Variants in TRAM1 observed in about 807,000 individuals in gnomAD.
The protein encoded by TRAM1 is translocation associated membrane protein 1.
A neutral mutation model predicts 48.7 loss-of-function variants in TRAM1; 17 were observed. The observed-to-expected ratio is 0.35, with a 90% CI of 0.24 to 0.52. The LOEUF (loss-of-function observed/expected upper bound fraction) is 0.52. Among genes scored for constraint, TRAM1 ranks in the 20% least tolerant of loss-of-function variants. The pLI is 0.94. For missense variants in TRAM1, 351 were observed against 441.5 expected (o/e 0.79, Z 1.84); for synonymous variants, 182 against 154.0 (o/e 1.18, Z -1.34).
intron 8 of TRAM1, among the ~76,000 whole-genome samples, chr8:70,583,998 A>T (rs1817145222): frequency 6.6e-6 from 1 of 152,128 alleles, no homozygotes; most frequent in African/African-American, 2.4e-5. Flanking sequence ...GGGCAACAAG[A>T]GCGAAACTCC....
chr8:70,576,103 A>G (rs4738097), intron 10 of TRAM1, among the ~76,000 whole-genome samples: 1 of 150,174 alleles, frequency 6.7e-6, no homozygotes. Context: ...AAACCACACA[A>G]AAAAAAACCC....
chr8:70,607,488 A>T, intron 1 of TRAM1: 1 of 985,480 alleles, frequency 1.0e-6, no homozygotes, highest in Non-Finnish European at 1.2e-6. Context: ...CCGCCCTTCA[A>T]GTCGAAAGCA....
rs1817443644 is a variant in TRAM1, at chr8:70,594,548, C to T, written c.528G>A (p.Trp176Ter). ...KFFYISQLAY[W>*]LHAFPELYFQ... ...AGTAGAGTTCAGGAAAAGCATGAAG[C>T]CAGTAAGCCAGCTGTGATATGTAGA... The change falls in exon 6 of 11, where the codon TGG becomes TGA. Residue 176 changes from tryptophan to a stop codon, truncating the protein, a stop_gained. Transcript: ENST00000262213. LOFTEE classifies it high-confidence loss of function. 1 of 1,600,834 alleles carries T rather than the reference C, an allele frequency of 6.2e-7. No individual in the cohort carries two copies. The highest frequency in any genetic ancestry group is 1.4e-5 in the African/African-American group (1 of 74,006).
chr8:70,594,249 A>G (rs1817430996), intron 6 of TRAM1, among the ~76,000 whole-genome samples: 1 of 151,910 alleles, frequency 6.6e-6, no homozygotes, highest in African/African-American at 2.4e-5. Context: ...CATAATTTTA[A>G]GACAAGCCAT....
intron 8 of TRAM1, among the ~76,000 whole-genome samples, chr8:70,585,879 T>G (rs1446238140): frequency 7.0e-6 from 1 of 143,228 alleles, no homozygotes; most frequent in Non-Finnish European, 1.5e-5. Context: ...TCCTCAGGGA[T>G]CTAGAACTAG....
intron 6 of TRAM1, among the ~76,000 whole-genome samples, chr8:70,592,258 A>G (rs996261825): frequency 6.6e-5 from 10 of 152,170 alleles, no homozygotes; most frequent in African/African-American, 2.4e-4. Flanking sequence ...AAACTAAGTT[A>G]TTTGTGACTA....
At chr8:70,597,856 A>C (rs752218142) in intron 4 of TRAM1, 39 bp downstream of exon 4, 1 of 1,424,584 alleles carries the variant, frequency 7.0e-7, no homozygotes, top group Non-Finnish European at 9.7e-7. Flanking sequence ...CTAATCTTAG[A>C]TAAGGAAGGA....
At chr8:70,598,437 T>A (rs1817537156) in intron 2 of TRAM1, among the ~76,000 whole-genome samples, 182 bp from the exon 3 acceptor site, 2 of 152,166 alleles carry the variant, frequency 1.3e-5, no homozygotes, top group Non-Finnish European at 2.9e-5. Flanking sequence ...ATCAAAACTA[T>A]CTAGAAATCT....
intron 5 of TRAM1, among the ~76,000 whole-genome samples, chr8:70,595,889 A>G (rs1467035811): frequency 2.0e-5 from 3 of 152,112 alleles, no homozygotes; most frequent in Non-Finnish European, 4.4e-5. Context: ...GAAGCTTATA[A>G]TAGGAGAAAG....
At chr8:70,607,748 A>T (rs1817780627) in intron 1 of TRAM1, 1 of 171,886 alleles carries the variant, frequency 5.8e-6, no homozygotes, top group Non-Finnish European at 1.2e-5. Context: ...GCCGGCTGCC[A>T]CGTAACCCTT....
Position 70,608,382 on chromosome 8 carries a change from A to AAG in TRAM1, c.-184_-183insCT, listed in dbSNP as rs1352943515. 1.1e-5 allele frequency: 7 copies of AAG among 631,848 alleles called. No individual in the cohort carries two copies. The highest frequency in any genetic ancestry group is 1.0e-4 in the African/African-American group (5 of 50,222). The allele number at this position is 631,848 out of a possible 1,614,324, so 39.1% of individuals were successfully genotyped here. ...GCCGGGCCGCCCGGGGGAAAAAAAAAAACACAACAGCTAGCCCGCAGCGGG... is the reference window on the plus strand; with the variant it reads ...GCCGGGCCGCCCGGGGGAAAAAAAAAAGAACACAACAGCTAGCCCGCAGCGGG... On this transcript the variant is annotated 5_prime_UTR_variant, in exon 1 of 11. Transcript: ENST00000262213.
intron 5 of TRAM1, 142 bp downstream of exon 5, chr8:70,596,121 G>T: frequency 1.9e-6 from 1 of 524,562 alleles, no homozygotes; most frequent in Non-Finnish European, 3.2e-6. Context: ...TTTTTCTTAC[G>T]GCAGTGGGAC....
At chr8:70,586,047 G>C (rs1203998038) in intron 8 of TRAM1, among the ~76,000 whole-genome samples, 1 of 150,916 alleles carries the variant, frequency 6.6e-6, no homozygotes, top group Non-Finnish European at 1.5e-5. Flanking sequence ...TGATAGACTG[G>C]ATTAAGAAAA....
chr8:70,603,123 T>C (rs907387118), intron 1 of TRAM1, among the ~76,000 whole-genome samples: 4 of 152,108 alleles, frequency 2.6e-5, no homozygotes, highest in African/African-American at 9.7e-5. Context: ...TAACAAGGAC[T>C]CATTAGAGCA....
At chr8:70,575,145 A>G in intron 10 of TRAM1, 140 bp from the exon 11 acceptor site, 1 of 561,858 alleles carries the variant, frequency 1.8e-6, no homozygotes, top group Non-Finnish European at 3.0e-6. Context: ...TATTTAACCA[A>G]TCACAAAACC....
In TRAM1 at chr8:70,600,158, T is replaced by C. The variant is rs1281213288; in HGVS notation, c.124-76A>G. On this transcript the variant is annotated intron_variant, in intron 1 of 10. Transcript: ENST00000262213. The stretch of plus-strand genomic sequence containing the variant: ...ATAACAGATCGGGGCAAAAACATTA[T>C]AAAATCTGTCCCTAAATCGAAGCAC... 36 of 1,196,744 alleles carry C rather than the reference T, an allele frequency of 3.0e-5. No individual in the cohort carries two copies. The Admixed American group carries it at 6.1e-4, about 20-fold the overall frequency. The allele number at this position is 1,196,744 out of a possible 1,614,324, so 74.1% of individuals were successfully genotyped here.
intron 10 of TRAM1, among the ~76,000 whole-genome samples, chr8:70,576,845 T>A (rs11989403): frequency 6.6e-6 from 1 of 151,606 alleles, no homozygotes; most frequent in Non-Finnish European, 1.5e-5. Flanking sequence ...AGTTCTTCGG[T>A]GTTCAGGAAG....
intron 1 of TRAM1, 90 bp from the exon 2 acceptor site, chr8:70,600,172 A>C: frequency 9.8e-7 from 1 of 1,023,494 alleles, no homozygotes; most frequent in Non-Finnish European, 1.5e-6. Flanking sequence ...ATCTGTCCCT[A>C]AATCGAAGCA....
At chr8:70,591,817 C>T (rs1190528197) in intron 6 of TRAM1, among the ~76,000 whole-genome samples, 2 of 151,942 alleles carry the variant, frequency 1.3e-5, no homozygotes, top group Non-Finnish European at 2.9e-5. Flanking sequence ...ACACATACAC[C>T]CGAAAACTTC....
Sources: gnomAD v4.1 joint callset for allele counts (sites outside exome capture counted in the v4.1 genomes callset) on GRCh38, gnomAD v4.1.1 for gene constraint, MANE v1.5 for transcripts, NCBI Gene and HGNC (gene_info 2026-07-23, HGNC 2026-07-21) for gene names.